CNTNAP4: variants seen among roughly 807,000 people sequenced by gnomAD.
CNTNAP4 encodes contactin associated protein family member 4, also known as contactin-associated protein-like 4.
Under a neutral mutation model 148.4 loss-of-function variants are expected in CNTNAP4, and 98 were observed. The observed-to-expected ratio is 0.66, with a 90% confidence interval of 0.56 to 0.78. The LOEUF is 0.78. Among genes scored for constraint, CNTNAP4 ranks in the 30% least tolerant of loss-of-function variants. The pLI is 0.00. For missense variants in CNTNAP4, 1,935 were observed against 1,565.6 expected, an observed-to-expected ratio of 1.24 and a Z score of -3.98; for synonymous variants, 730 against 565.1, an observed-to-expected ratio of 1.29 and a Z score of -4.14.
Position 76,489,807 on chromosome 16 carries a change from C to T in CNTNAP4, c.2004C>T (p.Ala668=), listed in dbSNP as rs1597713983. ...EYVASMEQLQ[A]TINRAEHCEQ... ...TGGCCAGCATGGAGCAACTTCAGGCCACTATTAACCGTGCAGAGCACTGTG... is the reference window on the plus strand; with the variant it reads ...TGGCCAGCATGGAGCAACTTCAGGCTACTATTAACCGTGCAGAGCACTGTG... The change falls in exon 13 of 24, where the codon GCC becomes GCT. Residue 668 remains alanine (A), a synonymous_variant. Coordinates refer to ENST00000611870, the MANE Select transcript of CNTNAP4 (RefSeq NM_033401.5). The T allele has an allele frequency of 6.2e-7, 1 of 1,606,984 alleles. No individual in the cohort carries two copies. The highest frequency in any genetic ancestry group is 8.5e-7 in the Non-Finnish European group (1 of 1,176,468).
chr16:76,553,481 A>G lies in CNTNAP4; in HGVS notation c.3641A>G (p.Glu1214Gly). Residue 1214 changes from glutamate to glycine, a missense_variant, in exon 22 of 24, where the codon GAA becomes GGA. By Grantham distance (98) the Glu-to-Gly change is moderately conservative. Coordinates refer to ENST00000611870, the MANE Select transcript of CNTNAP4 (RefSeq NM_033401.5). ...CCTGGCACTGATGCCACATCAAGGG[A>G]AAGGACACACTCGTTTGCAGGTGAC... ...AQPGTDATSRERTHSFADHSG... is the reference protein window; with the variant it reads ...AQPGTDATSRGRTHSFADHSG... The G allele has an allele frequency of 6.2e-7, 1 of 1,611,338 alleles. No individual in the cohort carries two copies. The highest frequency in any genetic ancestry group is 1.1e-5 in the South Asian group (1 of 90,442).
At chr16:76,520,216 T>A (rs2135621) in intron 15 of CNTNAP4, among the ~76,000 whole-genome samples, 95,932 of 151,990 alleles carry the variant, frequency 0.63, 30,933 homozygotes, top group African/African-American at 0.77. Context: ...CTCATCAACC[T>A]CCTGTATCCA....
At chr16:76,393,986 T>A (rs953664342) in intron 3 of CNTNAP4, among the ~76,000 whole-genome samples, 1 of 152,232 alleles carries the variant, frequency 6.6e-6, no homozygotes, top group Non-Finnish European at 1.5e-5. Context: ...ATATTTTCCC[T>A]GCTGGTTTTT....
At chr16:76,419,972 A>C (rs2079120815) in intron 3 of CNTNAP4, among the ~76,000 whole-genome samples, 1 of 152,050 alleles carries the variant, frequency 6.6e-6, no homozygotes, top group South Asian at 2.1e-4. Context: ...CCTCATTTCC[A>C]AATACAGTCA....
At position 76,355,487 on chromosome 16, in the gene CNTNAP4, A is replaced by T. The variant is rs367908885; in HGVS notation, c.366A>T (p.Gln122His). Reference protein sequence around the residue: ...MFSDSGWNWKQYRQEDSIWGF... With the variant: ...MFSDSGWNWKHYRQEDSIWGF... ...GTGATAGTGGCTGGAACTGGAAACA[A>T]TATCGCCAAGAGGACAGCATCTGGG... The change falls in exon 3 of 24, where the codon CAA (glutamine) becomes CAT (histidine). Residue 122 changes from glutamine (Q) to histidine (H), a missense_variant. By Grantham distance (24) the Gln-to-His change is conservative. Coordinates refer to ENST00000611870, the MANE Select transcript of CNTNAP4 (RefSeq NM_033401.5). The T allele has an allele frequency of 6.2e-6, 10 of 1,609,532 alleles. No homozygotes were observed. In the East Asian group the frequency reaches 2.2e-4, roughly 36 times the overall value.
At position 76,521,215 on chromosome 16, in the gene CNTNAP4, G is replaced by C. The variant is rs375043528; in HGVS notation, c.2441G>C (p.Ser814Thr). The C allele has an allele frequency of 8.1e-5, 130 of 1,612,078 alleles. No homozygotes were observed. The African/African-American group carries it at 1.7e-3, about 21-fold the overall frequency. The change falls in exon 16 of 24, where the codon AGC (serine) becomes ACC (threonine). Residue 814 changes from serine (S) to threonine (T), a missense_variant. Coordinates refer to ENST00000611870, the MANE Select transcript of CNTNAP4 (RefSeq NM_033401.5). ...LHFPTFHGEL[S>T]ADVSFFFKTT... is the part of the protein sequence containing the mutation. ...TTTCCTACCTTCCACGGAGAACTTA[G>C]CGCGGATGTATCTTTCTTTTTTAAG...
At chr16:76,304,327 C>T (rs1247150595) in intron 1 of CNTNAP4, among the ~76,000 whole-genome samples, 1 of 152,068 alleles carries the variant, frequency 6.6e-6, no homozygotes, top group Non-Finnish European at 1.5e-5. Flanking sequence ...GACAGGTAAC[C>T]TGATATTGAT....
At chr16:76,479,096 G>C (rs1416883155) in intron 11 of CNTNAP4, among the ~76,000 whole-genome samples, 1 of 151,782 alleles carries the variant, frequency 6.6e-6, no homozygotes, top group Non-Finnish European at 1.5e-5. Flanking sequence ...TACTTATAAG[G>C]CTCCAACATT....
rs372791978 is a variant in CNTNAP4 at position 76,372,284 on chromosome 16, C to G, written c.390+16773C>G. Among the ~76,000 whole-genome samples the G allele has an allele frequency of 1.8e-3, 268 of 150,792 alleles. 1 individual carries two copies. Among genetic ancestry groups the G allele is most frequent in the Middle Eastern group, 6.8e-3 (2 of 294 alleles). On this transcript the variant is annotated intron_variant, in intron 3 of 23. Coordinates refer to ENST00000611870, the MANE Select transcript of CNTNAP4 (RefSeq NM_033401.5). Reference sequence around the variant, plus strand: ...CCTCCCGAGTACCTGGGACTACAGGCGCCCGCCACCAGGCCCAGCTAATTT... The same window carrying G: ...CCTCCCGAGTACCTGGGACTACAGGGGCCCGCCACCAGGCCCAGCTAATTT...
chr16:76,333,210 G>A lies in CNTNAP4; in HGVS notation c.196+16687G>A, dbSNP rs1202354598. Among the ~76,000 whole-genome samples, 8 of 152,176 alleles carry A rather than the reference G, an allele frequency of 5.3e-5. No homozygotes were observed. The East Asian group carries it at 1.3e-3, about 26-fold the overall frequency. On this transcript the variant is annotated intron_variant, in intron 2 of 23. Coordinates refer to ENST00000611870, the MANE Select transcript of CNTNAP4 (RefSeq NM_033401.5). ...GCCATACCACTAAGTGACACATGAT[G>A]TAGGCCCCATGAGATGTTTGAGTGG...
At chr16:76,343,444 C>G (rs1434586966) in intron 2 of CNTNAP4, among the ~76,000 whole-genome samples, 1 of 152,194 alleles carries the variant, frequency 6.6e-6, no homozygotes, top group African/African-American at 2.4e-5. Context: ...TGATCATGCT[C>G]CCTCAAAACC....
At chr16:76,294,106 A>C (rs573658288) in intron 1 of CNTNAP4, among the ~76,000 whole-genome samples, 1 of 152,052 alleles carries the variant, frequency 6.6e-6, no homozygotes, top group South Asian at 2.1e-4. Flanking sequence ...TAAGAAACCC[A>C]CTCATTCAAC....
intron 13 of CNTNAP4, among the ~76,000 whole-genome samples, chr16:76,493,515 A>T (rs2082297478): frequency 6.6e-6 from 1 of 151,986 alleles, no homozygotes; most frequent in Non-Finnish European, 1.5e-5. Flanking sequence ...GGATTGAACC[A>T]CAGTCTATAC....
chr16:76,305,633 T>C (rs983202834), intron 1 of CNTNAP4, among the ~76,000 whole-genome samples: 1 of 152,204 alleles, frequency 6.6e-6, no homozygotes, highest in Non-Finnish European at 1.5e-5. Flanking sequence ...GGGAAGGAAC[T>C]GAGGGTGTCC....
At chr16:76,463,284 A>G (rs2081051041) in intron 9 of CNTNAP4, among the ~76,000 whole-genome samples, 2 of 152,226 alleles carry the variant, frequency 1.3e-5, no homozygotes, top group Admixed American at 6.5e-5. Flanking sequence ...AGAGATAAGG[A>G]AATAAATAGG....
At chr16:76,438,199 C>G (rs1229372969) in intron 4 of CNTNAP4, among the ~76,000 whole-genome samples, 1 of 152,070 alleles carries the variant, frequency 6.6e-6, no homozygotes, top group East Asian at 1.9e-4. Context: ...GATCAGAGAG[C>G]AAGGGTCCGT....
intron 3 of CNTNAP4, among the ~76,000 whole-genome samples, chr16:76,416,904 CAGTT>C (rs991715076): frequency 1.3e-5 from 2 of 151,422 alleles, no homozygotes; most frequent in Non-Finnish European, 3.0e-5. Flanking sequence ...GTTGTCTACA[CAGTT>C]AGGATTATTT....
rs190476835 is a variant in CNTNAP4 at position 76,441,161 on chromosome 16, A to G, written c.539-6851A>G. Among the ~76,000 whole-genome samples, 12 of 152,210 alleles carry G rather than the reference A, an allele frequency of 7.9e-5. No homozygotes were observed. In the East Asian group the frequency reaches 1.9e-3, roughly 25 times the overall value. On this transcript the variant is annotated intron_variant, in intron 4 of 23. Transcript: ENST00000611870. ...GGAACTCTGAAGACAGGCATGAATA[A>G]TTGCATCTCAGGGTTGTGTGTCTTC...
chr16:76,445,187 A>C (rs1416283160), intron 4 of CNTNAP4, among the ~76,000 whole-genome samples: 1 of 152,118 alleles, frequency 6.6e-6, no homozygotes, highest in Non-Finnish European at 1.5e-5. Context: ...ACTGATTAAG[A>C]TCTCCCTTTG....
Sources: allele counts gnomAD v4.1 joint callset (sites outside exome capture counted in the v4.1 genomes callset), GRCh38; gene constraint gnomAD v4.1.1; transcripts MANE v1.5; gene names NCBI Gene and HGNC (gene_info 2026-07-23, HGNC 2026-07-21).